SMCHD1: variants seen among roughly 807,000 people sequenced by gnomAD.
SMCHD1 encodes the protein structural maintenance of chromosomes flexible hinge domain containing 1.
In SMCHD1, 78 loss-of-function variants were observed where a neutral mutation model predicts 254.7. That is an observed-to-expected ratio of 0.31 (90% confidence interval 0.26 to 0.37). The LOEUF (loss-of-function observed/expected upper bound fraction) is 0.37. SMCHD1 is among the 10% of genes least tolerant of loss of function. The pLI is 1.00. For synonymous variants in SMCHD1, 766 were observed against 794.9 expected (o/e 0.96, Z 0.61); for missense variants, 1,840 against 2,408.1 (o/e 0.76, Z 4.94).
chr18:2,761,894 A>T (rs1446147122), intron 35 of SMCHD1, among the ~76,000 whole-genome samples: 1 of 152,232 alleles, frequency 6.6e-6, no homozygotes, highest in Non-Finnish European at 1.5e-5. Context: ...TTGTTCTTAG[A>T]TGGCTGTAAA....
chr18:2,705,238 A>T (rs899068298), intron 13 of SMCHD1, among the ~76,000 whole-genome samples: 1 of 152,168 alleles, frequency 6.6e-6, no homozygotes, highest in Non-Finnish European at 1.5e-5. Context: ...GGAGTAGTGG[A>T]AATTTCCCTT....
In SMCHD1 at chr18:2,778,194, C is replaced by G. The variant is rs886042412; in HGVS notation, c.5502C>G (p.Thr1834=). 3 of 1,609,034 alleles carry G rather than the reference C, an allele frequency of 1.9e-6. No individual in the cohort carries two copies. The highest frequency in any genetic ancestry group is 2.5e-6 in the Non-Finnish European group (3 of 1,177,376). Residue 1834 remains threonine, a synonymous_variant, in exon 44 of 48, where the codon ACC becomes ACG. Transcript: ENST00000320876. ...TATTTGGTATGCTGTTAGGAGACACCATTATTTTGGATAATCTGGATGCGG... is the reference window on the plus strand; with the variant it reads ...TATTTGGTATGCTGTTAGGAGACACGATTATTTTGGATAATCTGGATGCGG... ...ETVFGMLLGD[T]IILDNLDAAN...
At chr18:2,682,640 C>A (rs2073959648) in intron 5 of SMCHD1, among the ~76,000 whole-genome samples, 1 of 152,168 alleles carries the variant, frequency 6.6e-6, no homozygotes, top group Non-Finnish European at 1.5e-5. Flanking sequence ...CTTTTTCTTA[C>A]TTGAGACACC....
intron 20 of SMCHD1, among the ~76,000 whole-genome samples, chr18:2,724,030 A>G (rs560142429): frequency 6.6e-6 from 1 of 151,316 alleles, no homozygotes; most frequent in African/African-American, 2.4e-5. Flanking sequence ...TTTTCCTTTA[A>G]TAATAAAATA....
chr18:2,708,063 T>C, intron 17 of SMCHD1, 143 bp downstream of exon 17: 1 of 484,532 alleles, frequency 2.1e-6, no homozygotes, highest in South Asian at 5.5e-5. Flanking sequence ...AGGAATGTTA[T>C]GAATAGCTCA....
rs894910568 is a variant in SMCHD1 at position 2,803,592 on chromosome 18, AGATT to A, written c.*1042_*1045del. 6 of 152,210 alleles carry A rather than the reference AGATT, an allele frequency of 3.9e-5. No individual in the cohort carries two copies. Among genetic ancestry groups the A allele is most frequent in the African/African-American group, 9.6e-5 (4 of 41,466 alleles). The allele number at this position is 152,210 out of a possible 1,614,324, so 9.4% of individuals were successfully genotyped here. On this transcript the variant is annotated 3_prime_UTR_variant, in exon 48 of 48. Transcript: ENST00000320876. The stretch of plus-strand genomic sequence containing the variant: ...TAAATATGCAGGCCATTAATAAATA[AGATT>A]GTTTCTTCCCTACTGAATAGATAAG...
At position 2,655,853 on chromosome 18, in the gene SMCHD1, G is replaced by A. The variant is rs2073035570; in HGVS notation, c.-223G>A. 1 of 357,376 alleles carries A rather than the reference G, an allele frequency of 2.8e-6. No homozygotes were observed. Among genetic ancestry groups the A allele is most frequent in the Non-Finnish European group, 5.0e-6 (1 of 200,154 alleles). The allele number at this position is 357,376 out of a possible 1,614,324, so 22.1% of individuals were successfully genotyped here. A position where few individuals can be genotyped will look rare whatever the true frequency, so the allele number is the denominator to read the frequency against. On this transcript the variant is annotated 5_prime_UTR_variant, in exon 1 of 48. Transcript: ENST00000320876. ...CTTCTCCTCAGGAGTGGCGGGCCGC[G>A]GAAGTGACGTGGTGCACGGGCAGGA...
chr18:2,803,198 GTATATA>G lies in SMCHD1; in HGVS notation c.*661_*666del, dbSNP rs1555660641. 4 of 136,518 alleles carry G rather than the reference GTATATA, an allele frequency of 2.9e-5. No individual in the cohort carries two copies. The highest frequency in any genetic ancestry group is 8.1e-5 in the African/African-American group (3 of 36,816). 8.5% of individuals were successfully genotyped at this position (136,518 alleles called of 1,614,324 possible). A position where few individuals can be genotyped will look rare whatever the true frequency, so the allele number is the denominator to read the frequency against. ...ACTTATCCTGTGTGTGTGTGTGTGT[GTATATA>G]TATATATATATATAAATATATATAT... is the stretch of plus-strand genomic sequence containing the variant. On this transcript the variant is annotated 3_prime_UTR_variant, in exon 48 of 48. Coordinates refer to ENST00000320876, the MANE Select transcript of SMCHD1 (RefSeq NM_015295.3).
chr18:2,715,398 A>G (rs2074774022), intron 17 of SMCHD1, among the ~76,000 whole-genome samples: 1 of 152,042 alleles, frequency 6.6e-6, no homozygotes, highest in Non-Finnish European at 1.5e-5. Context: ...TTTGCTTTCA[A>G]CCATATCTTG....
chr18:2,705,933 G>T (rs2143236285), intron 14 of SMCHD1, 126 bp downstream of exon 14: 2 of 532,950 alleles, frequency 3.8e-6, no homozygotes, highest in African/African-American at 1.9e-5. Flanking sequence ...GTTTTTGTGT[G>T]GATTTTTATG....
chr18:2,706,294 G>A, intron 14 of SMCHD1, 70 bp from the exon 15 acceptor site: 4 of 995,818 alleles, frequency 4.0e-6, no homozygotes, highest in Non-Finnish European at 5.9e-6. Context: ...AGAAACAAAT[G>A]GGTGTTTGTT....
chr18:2,775,068 A>ATTTTTTTTTTT (rs10601895), intron 41 of SMCHD1, among the ~76,000 whole-genome samples: 3 of 73,058 alleles, frequency 4.1e-5, no homozygotes, highest in African/African-American at 1.3e-4. Context: ...AAAAGGAACA[A>ATTTTTTTTTTT]TTTTTTTTTT....
Position 2,718,103 on chromosome 18 carries a change from C to A in SMCHD1, c.2261-55C>A, listed in dbSNP as rs1490226526. ...GGTGCCAATGTGACATTGCGTATTT[C>A]ATGTTTTACGTTGAATTTCTCAAGA... On this transcript the variant is annotated intron_variant, in intron 17 of 47. Coordinates refer to ENST00000320876, the MANE Select transcript of SMCHD1 (RefSeq NM_015295.3). The surrounding 1 kb of genome is among the most constrained non-coding windows in gnomAD (Gnocchi z 4.6). 4.3e-6 allele frequency: 6 copies of A among 1,391,570 alleles called. No homozygotes were observed. The allele number at this position is 1,391,570 out of a possible 1,614,324, so 86.2% of individuals were successfully genotyped here. A position where few individuals can be genotyped will look rare whatever the true frequency, so the allele number is the denominator to read the frequency against.
chr18:2,777,059 A>AC (rs1397767297), intron 42 of SMCHD1, among the ~76,000 whole-genome samples: 7 of 44,354 alleles, frequency 1.6e-4, no homozygotes, highest in East Asian at 1.1e-3. Context: ...ATGCACCACC[A>AC]CCTCCCCCCC....
chr18:2,795,567 C>G (rs1347125750), intron 45 of SMCHD1, among the ~76,000 whole-genome samples: 1 of 152,160 alleles, frequency 6.6e-6, no homozygotes, highest in African/African-American at 2.4e-5. Flanking sequence ...TGATTTCTAA[C>G]AACACAATAT....
At position 2,775,822 on chromosome 18, in the gene SMCHD1, T is replaced by C; in HGVS notation, c.5264T>C (p.Leu1755Pro). Residue 1755 changes from leucine (L) to proline (P), a missense_variant, in exon 42 of 48, where the codon CTA becomes CCA. Leu to Pro is a moderately conservative substitution (Grantham distance 98). This residue lies in a region of SMCHD1 where 114 missense variants were observed against 217.6 expected (regional missense o/e 0.52). Coordinates refer to ENST00000320876, the MANE Select transcript of SMCHD1 (RefSeq NM_015295.3). ...LASDMDCVVT[L>P]TTDAARRIYD... The stretch of plus-strand genomic sequence containing the variant: ...AGTGACATGGACTGTGTAGTCACCC[T>C]AACCACTGACGCTGCACGTCGTATC... 6.2e-7 allele frequency: 1 copy of C among 1,613,122 alleles called. No individual in the cohort carries two copies. Among genetic ancestry groups the C allele is most frequent in the Non-Finnish European group, 8.5e-7 (1 of 1,179,652 alleles).
At chr18:2,794,948 A>G (rs1187929814) in intron 45 of SMCHD1, among the ~76,000 whole-genome samples, 3 of 152,138 alleles carry the variant, frequency 2.0e-5, no homozygotes, top group Non-Finnish European at 4.4e-5. Flanking sequence ...AATTTGAATA[A>G]TGTAATACAT....
rs660777 is a variant in SMCHD1, at chr18:2,673,078, A to G, written c.425-203A>G. On this transcript the variant is annotated intron_variant, in intron 3 of 47. Transcript: ENST00000320876. Reference sequence around the variant, plus strand: ...TGACTCATGCTGTATAGTGCCATACAAGTACTGATTGATGACTGCTTTTTT... The same window carrying G: ...TGACTCATGCTGTATAGTGCCATACGAGTACTGATTGATGACTGCTTTTTT... The G allele has an allele frequency of 0.068, 67,447 of 985,020 alleles. 8,659 individuals carry two copies. The highest frequency in any genetic ancestry group is 0.51 in the African/African-American group (29,424 of 57,186). 61.0% of individuals were successfully genotyped at this position (985,020 alleles called of 1,614,324 possible).
intron 40 of SMCHD1, 118 bp from the exon 41 acceptor site, chr18:2,772,132 A>C: frequency 2.5e-6 from 2 of 801,832 alleles, no homozygotes; most frequent in Middle Eastern, 3.3e-4. Context: ...AATAATGCCT[A>C]CTTACCAACT....
Sources: allele counts gnomAD v4.1 joint callset (sites outside exome capture counted in the v4.1 genomes callset), GRCh38; gene constraint gnomAD v4.1.1; regional missense constraint gnomAD v4.1.1; non-coding constraint Gnocchi (gnomAD v3.1); transcripts MANE v1.5; gene names NCBI Gene and HGNC (gene_info 2026-07-23, HGNC 2026-07-21).